POU6F2: variants seen among roughly 807,000 people sequenced by gnomAD.
POU6F2 encodes the protein POU domain, class 6, transcription factor 2.
A neutral mutation model predicts 71.3 loss-of-function variants in POU6F2; 31 were observed. The observed-to-expected ratio is 0.43, with a 90% CI of 0.33 to 0.59. The LOEUF is 0.59. POU6F2 is among the 20% of genes least tolerant of loss of function. The pLI is 0.04. For synonymous variants in POU6F2, 347 were observed against 355.7 expected (o/e 0.98, Z 0.27); for missense variants, 783 against 856.8 (o/e 0.91, Z 1.07).
intron 1 of POU6F2, among the ~76,000 whole-genome samples, chr7:39,009,182 A>G (rs969568338): frequency 6.6e-6 from 1 of 151,542 alleles, no homozygotes; most frequent in African/African-American, 2.4e-5. Flanking sequence ...ATTTGTTTGT[A>G]TCCTCTTTTA....
chr7:39,383,923 A>G (rs1786882115), intron 5 of POU6F2, among the ~76,000 whole-genome samples: 1 of 152,242 alleles, frequency 6.6e-6, no homozygotes, highest in African/African-American at 2.4e-5. Flanking sequence ...ATCTCATGGA[A>G]ATGCTTCTTT....
At chr7:39,413,257 T>C (rs1787593906) in intron 6 of POU6F2, among the ~76,000 whole-genome samples, 1 of 152,130 alleles carries the variant, frequency 6.6e-6, no homozygotes, top group African/African-American at 2.4e-5. Flanking sequence ...TCTTCTCCCA[T>C]TCCCAAGGTG....
intron 9 of POU6F2, among the ~76,000 whole-genome samples, chr7:39,461,733 A>G (rs949441474): frequency 2.6e-5 from 4 of 152,196 alleles, no homozygotes; most frequent in African/African-American, 9.7e-5. Context: ...AAACCCATTG[A>G]TTGTTGTTAA....
intron 4 of POU6F2, among the ~76,000 whole-genome samples, chr7:39,221,631 C>T (rs1490148767): frequency 6.6e-6 from 1 of 152,086 alleles, no homozygotes; most frequent in Non-Finnish European, 1.5e-5. Flanking sequence ...CAGTGATCCA[C>T]TCACCTCGGC....
rs185870351 is a variant in POU6F2, at chr7:39,110,125, G to C, written c.277+24094G>C. Among the ~76,000 whole-genome samples, 390 of 152,116 alleles carry C rather than the reference G, an allele frequency of 2.6e-3. 4 individuals carry two copies. Among genetic ancestry groups the C allele is most frequent in the Non-Finnish European group, 2.2e-3 (151 of 67,964 alleles). Reference sequence around the variant, plus strand: ...GTCTCTACTAAAAATACAAAAATTAGCTGGGTTTGGTGGCGGGCGGCTGTA... The same window carrying C: ...GTCTCTACTAAAAATACAAAAATTACCTGGGTTTGGTGGCGGGCGGCTGTA... On this transcript the variant is annotated intron_variant, in intron 2 of 9. Transcript: ENST00000518318.
Position 39,464,084 on chromosome 7 carries a change from G to A in POU6F2, c.1659-98G>A. On this transcript the variant is annotated intron_variant, in intron 9 of 9. Transcript: ENST00000518318. The surrounding 1 kb of genome is among the most constrained non-coding windows in gnomAD (Gnocchi z 4.1). The stretch of plus-strand genomic sequence containing the variant: ...CCTTGCAGCTGGCTATTAACCTGCA[G>A]TAAATTCGCCCTGCCAGGCAGTCAG... The A allele has an allele frequency of 6.8e-7, 1 of 1,468,908 alleles. No individual in the cohort carries two copies. The highest frequency in any genetic ancestry group is 2.3e-5 in the East Asian group (1 of 43,868). The allele number at this position is 1,468,908 out of a possible 1,614,324, so 91.0% of individuals were successfully genotyped here.
intron 5 of POU6F2, among the ~76,000 whole-genome samples, chr7:39,378,411 T>A (rs1786753151): frequency 6.6e-6 from 1 of 152,116 alleles, no homozygotes; most frequent in Admixed American, 6.6e-5. Flanking sequence ...AAGTCAACCT[T>A]CCTGAAACTT....
chr7:39,112,153 A>G (rs1791826713), intron 2 of POU6F2, among the ~76,000 whole-genome samples: 1 of 152,160 alleles, frequency 6.6e-6, no homozygotes, highest in Non-Finnish European at 1.5e-5. Context: ...TATTAAACCC[A>G]AAGCAGTAGC....
In POU6F2 at chr7:39,009,368, A is replaced by C. The variant is rs563304044; in HGVS notation, c.105+31310A>C. Among the ~76,000 whole-genome samples, 386 of 152,140 alleles carry C rather than the reference A, an allele frequency of 2.5e-3. 2 individuals carry two copies. The highest frequency in any genetic ancestry group is 8.9e-3 in the African/African-American group (370 of 41,508). On this transcript the variant is annotated intron_variant, in intron 1 of 9. Transcript: ENST00000518318. The stretch of plus-strand genomic sequence containing the variant: ...AGAATGCTTGTGATTTTGTACATTG[A>C]TTTTGTATCCTGAGACTTTGCTGAA...
intron 5 of POU6F2, among the ~76,000 whole-genome samples, chr7:39,382,328 C>G (rs1786846013): frequency 1.3e-5 from 2 of 152,302 alleles, no homozygotes; most frequent in South Asian, 4.1e-4. Flanking sequence ...GACAGAACCT[C>G]TAGGCCTGGG....
At chr7:39,177,400 C>T (rs572903527) in intron 2 of POU6F2, among the ~76,000 whole-genome samples, 1 of 152,302 alleles carries the variant, frequency 6.6e-6, no homozygotes, top group Non-Finnish European at 1.5e-5. Flanking sequence ...CCAGTGTCTG[C>T]CATTGGCCAT....
chr7:39,056,129 A>G (rs560333108), intron 1 of POU6F2, among the ~76,000 whole-genome samples: 217 of 152,208 alleles, frequency 1.4e-3, no homozygotes, highest in Middle Eastern at 0.01. Context: ...ATAAAATATG[A>G]ATACAGGGCT....
chr7:39,266,907 A>G (rs904382874), intron 4 of POU6F2, among the ~76,000 whole-genome samples: 4 of 152,104 alleles, frequency 2.6e-5, no homozygotes, highest in African/African-American at 7.2e-5. Context: ...CCTGTTAACC[A>G]TAGTCACCCT....
chr7:39,116,928 A>C (rs1261979032), intron 2 of POU6F2, among the ~76,000 whole-genome samples: 1 of 152,208 alleles, frequency 6.6e-6, no homozygotes, highest in African/African-American at 2.4e-5. Context: ...GACAGGCACT[A>C]GGAAGTTCAG....
At chr7:39,277,730 C>G (rs933290818) in intron 4 of POU6F2, among the ~76,000 whole-genome samples, 7 of 152,080 alleles carry the variant, frequency 4.6e-5, no homozygotes, top group African/African-American at 1.4e-4. Context: ...GGGAAATTTT[C>G]CTAAGGAAGC....
intron 2 of POU6F2, among the ~76,000 whole-genome samples, chr7:39,169,359 T>G (rs780964629): frequency 2.6e-5 from 4 of 152,192 alleles, no homozygotes. Flanking sequence ...TGAAAGTCTT[T>G]GGGAGAAGAA....
rs372332161 is a variant in POU6F2, at chr7:39,171,674, C to G, written c.278-32561C>G. Among the ~76,000 whole-genome samples the G allele has an allele frequency of 3.3e-5, 5 of 152,296 alleles. No individual in the cohort carries two copies. The East Asian group carries it at 9.6e-4, about 29-fold the overall frequency. ...TGTGCAAGAAATCCAAATTTCGGAG[C>G]ATTTAGCCATAGGACACCCATCATT... On this transcript the variant is annotated intron_variant, in intron 2 of 9. Transcript: ENST00000518318.
intron 2 of POU6F2, among the ~76,000 whole-genome samples, chr7:39,137,761 T>G (rs1365277954): frequency 1.3e-5 from 2 of 152,214 alleles, no homozygotes; most frequent in African/African-American, 4.8e-5. Flanking sequence ...CCTATGTACC[T>G]CTTTATAATC....
chr7:39,029,597 G>A (rs542770723), intron 1 of POU6F2, among the ~76,000 whole-genome samples: 6 of 152,070 alleles, frequency 3.9e-5, no homozygotes, highest in African/African-American at 7.2e-5. Context: ...CATTCTACCC[G>A]TGTAACAAAA....
Sources: gnomAD v4.1 joint callset for allele counts (sites outside exome capture counted in the v4.1 genomes callset) on GRCh38, gnomAD v4.1.1 for gene constraint, Gnocchi (gnomAD v3.1) non-coding constraint, MANE v1.5 for transcripts, NCBI Gene and HGNC (gene_info 2026-07-23, HGNC 2026-07-21) for gene names.